ZNRF3: variants seen among roughly 807,000 people sequenced by gnomAD.
ZNRF3 encodes the protein E3 ubiquitin-protein ligase ZNRF3.
A neutral mutation model predicts 72.5 loss-of-function variants in ZNRF3; 23 were observed. The ratio of observed to expected loss-of-function variants is 0.32; its 90% CI spans 0.23 to 0.45. The LOEUF (loss-of-function observed/expected upper bound fraction) is 0.45, where lower values mean the gene tolerates loss of function less well. Ranked by LOEUF, ZNRF3 falls within the 20% of genes least tolerant of loss-of-function variation. ZNRF3 has a pLI of 1.00. For missense variants in ZNRF3, 1,169 were observed against 1,272.1 expected, an observed-to-expected ratio of 0.92 and a Z score of 1.23; for synonymous variants, 610 against 545.3, an observed-to-expected ratio of 1.12 and a Z score of -1.65.
Position 28,933,274 on chromosome 22 carries a change from T to C in ZNRF3, c.300+49208T>C, listed in dbSNP as rs561362605. ...TAAACACTGGGGGGATTGTATATTA[T>C]AGTTGTTTAAAAATGAATCAATTTA... On this transcript the variant is annotated intron_variant, in intron 1 of 8. Transcript: ENST00000544604. 3.9e-5 allele frequency among the ~76,000 whole-genome samples: 6 copies of C among 152,344 alleles called. No homozygotes were observed. In the South Asian group the frequency reaches 1.2e-3, roughly 32 times the overall value.
At chr22:29,036,853 T>G (rs2036875770) in intron 2 of ZNRF3, among the ~76,000 whole-genome samples, 1 of 152,170 alleles carries the variant, frequency 6.6e-6, no homozygotes, top group African/African-American at 2.4e-5. Context: ...TTACAAAGAA[T>G]TTTTAATAAC....
At chr22:29,035,348 G>A (rs2036848292) in intron 2 of ZNRF3, among the ~76,000 whole-genome samples, 1 of 152,186 alleles carries the variant, frequency 6.6e-6, no homozygotes, top group Admixed American at 6.5e-5. Context: ...TATGAATACA[G>A]CACTGTTTAT....
At chr22:29,045,000 A>C (rs1385622037) in intron 5 of ZNRF3, 110 bp downstream of exon 5, 1 of 761,050 alleles carries the variant, frequency 1.3e-6, no homozygotes, top group Non-Finnish European at 2.3e-6. Flanking sequence ...GGAGCCTCAC[A>C]GCTGTGGACT....
chr22:28,927,035 A>G lies in ZNRF3; in HGVS notation c.300+42969A>G, dbSNP rs148294792. On this transcript the variant is annotated intron_variant, in intron 1 of 8. Coordinates refer to ENST00000544604, the MANE Select transcript of ZNRF3 (RefSeq NM_001206998.2). ...CTCAAGAGGCTGAGGTGGGAGAATC[A>G]CTTGAACCTGGGAGGCAGAGGTTGC... 6.1e-3 allele frequency among the ~76,000 whole-genome samples: 919 copies of G among 149,840 alleles called. 12 individuals carry two copies. The highest frequency in any genetic ancestry group is 0.021 in the African/African-American group (873 of 40,614).
intron 2 of ZNRF3, among the ~76,000 whole-genome samples, chr22:29,038,944 T>A (rs2036910265): frequency 6.6e-6 from 1 of 151,912 alleles, no homozygotes; most frequent in South Asian, 2.1e-4. Context: ...AAATGGAATT[T>A]AAGCACCATA....
chr22:28,911,305 T>G (rs2034311944), intron 1 of ZNRF3, among the ~76,000 whole-genome samples: 1 of 152,172 alleles, frequency 6.6e-6, no homozygotes, highest in Non-Finnish European at 1.5e-5. Flanking sequence ...TGGAGACCAG[T>G]GGGTCCCATA....
At chr22:28,995,040 G>T (rs760737471) in intron 2 of ZNRF3, among the ~76,000 whole-genome samples, 31 of 152,188 alleles carry the variant, frequency 2.0e-4, no homozygotes, top group Non-Finnish European at 4.4e-4. Flanking sequence ...TACTTTTGAA[G>T]AACAACTCCC....
intron 2 of ZNRF3, among the ~76,000 whole-genome samples, chr22:29,004,299 T>G (rs891322664): frequency 3.4e-5 from 5 of 148,920 alleles, no homozygotes; most frequent in Non-Finnish European, 7.4e-5. Flanking sequence ...TCATATTGCT[T>G]CTTCTTCCTT....
chr22:28,980,548 A>G (rs1178579240), intron 1 of ZNRF3, among the ~76,000 whole-genome samples: 3 of 152,198 alleles, frequency 2.0e-5, no homozygotes, highest in African/African-American at 7.2e-5. Flanking sequence ...TTTCATAATA[A>G]TGTCAAACTC....
At chr22:29,017,103 T>C (rs1405928529) in intron 2 of ZNRF3, among the ~76,000 whole-genome samples, 3 of 152,186 alleles carry the variant, frequency 2.0e-5, no homozygotes, top group African/African-American at 7.2e-5. Flanking sequence ...CTCTGTCAGT[T>C]TTATGAAAGC....
intron 2 of ZNRF3, chr22:29,026,926 GC>G (rs1352553566): frequency 1.3e-5 from 2 of 152,204 alleles, no homozygotes; most frequent in Non-Finnish European, 2.9e-5. Context: ...TCTTCAACAA[GC>G]GCTTTCCTTA....
In ZNRF3 at chr22:28,992,188, G is replaced by A. The variant is rs566506189; in HGVS notation, c.426+4987G>A. ...CCCCCCAACCCCCCGCCCCGGCCCC[G>A]CACACCACCCCCCACCCCCCGGAAA... On this transcript the variant is annotated intron_variant, in intron 2 of 8. Coordinates refer to ENST00000544604, the MANE Select transcript of ZNRF3 (RefSeq NM_001206998.2). Among the ~76,000 whole-genome samples, 61 of 37,168 alleles carry A rather than the reference G, an allele frequency of 1.6e-3. 2 individuals are homozygous for A. The South Asian group carries it at 0.035, about 21-fold the overall frequency. 24.4% of individuals were successfully genotyped at this position (37,168 alleles called of 152,430 possible). A position where few individuals can be genotyped will look rare whatever the true frequency, so the allele number is the denominator to read the frequency against.
chr22:28,988,606 TA>T (rs2035898173), intron 2 of ZNRF3, among the ~76,000 whole-genome samples: 1 of 152,190 alleles, frequency 6.6e-6, no homozygotes, highest in African/African-American at 2.4e-5. Context: ...CAGGCCCTGA[TA>T]CTTCATCATT....
In ZNRF3 at chr22:28,883,861, C is replaced by T. The variant is rs1323133757; in HGVS notation, c.95C>T (p.Pro32Leu). 2 of 989,994 alleles carry T rather than the reference C, an allele frequency of 2.0e-6. No homozygotes were observed. The highest frequency in any genetic ancestry group is 2.4e-6 in the Non-Finnish European group (2 of 835,534). 61.3% of individuals were successfully genotyped at this position (989,994 alleles called of 1,614,324 possible). A position where few individuals can be genotyped will look rare whatever the true frequency, so the allele number is the denominator to read the frequency against. ...CGCGGCCTCCGGTGCAGCCGCCTGC[C>T]GCCGCCGCCGCCGCTGCCGCTGCTG... is the stretch of plus-strand genomic sequence containing the variant. The part of the protein sequence containing the change: ...RPRGLRCSRL[P>L]PPPPLPLLLG... Residue 32 changes from proline (P) to leucine (L), a missense_variant, in exon 1 of 9, where the codon CCG becomes CTG. Coordinates refer to ENST00000544604, the MANE Select transcript of ZNRF3 (RefSeq NM_001206998.2). The surrounding 1 kb of genome is among the most constrained non-coding windows in gnomAD (Gnocchi z 5.5).
chr22:28,893,405 T>A (rs1376642843), intron 1 of ZNRF3, among the ~76,000 whole-genome samples: 2 of 152,188 alleles, frequency 1.3e-5, no homozygotes, highest in African/African-American at 2.4e-5. Flanking sequence ...AATGTTATTT[T>A]TCTGATTTAT....
At chr22:28,925,865 A>C (rs1041218350) in intron 1 of ZNRF3, among the ~76,000 whole-genome samples, 1 of 152,116 alleles carries the variant, frequency 6.6e-6, no homozygotes, top group Non-Finnish European at 1.5e-5. Context: ...TGGATGTGAC[A>C]GAGTATGTAA....
intron 1 of ZNRF3, among the ~76,000 whole-genome samples, chr22:28,938,290 A>G (rs544345875): frequency 6.6e-6 from 1 of 150,792 alleles, no homozygotes; most frequent in East Asian, 1.9e-4. Context: ...CTGCACCATT[A>G]TTTTTAATGG....
intron 1 of ZNRF3, among the ~76,000 whole-genome samples, chr22:28,888,840 G>T (rs1026277268): frequency 1.3e-5 from 2 of 152,198 alleles, no homozygotes; most frequent in African/African-American, 2.4e-5. Flanking sequence ...AGGTCTGGCC[G>T]GGCGCGGTGG....
At position 29,049,061 on chromosome 22, in the gene ZNRF3, G is replaced by C. The variant is rs997247478; in HGVS notation, c.1016-136G>C. On this transcript the variant is annotated intron_variant, in intron 7 of 8. Coordinates refer to ENST00000544604, the MANE Select transcript of ZNRF3 (RefSeq NM_001206998.2). The surrounding 1 kb of genome is among the most constrained non-coding windows in gnomAD (Gnocchi z 5.2). Reference sequence around the variant, plus strand: ...TCTGCCGCTGCAGCTCAGTTTGGGGGCAGGGTTGTGAGAATGGGTACCTTG... The same window carrying C: ...TCTGCCGCTGCAGCTCAGTTTGGGGCCAGGGTTGTGAGAATGGGTACCTTG... 4 of 988,554 alleles carry C rather than the reference G, an allele frequency of 4.0e-6. No homozygotes were observed. The highest frequency in any genetic ancestry group is 2.4e-5 in the Admixed American group (1 of 40,936). 61.2% of individuals were successfully genotyped at this position (988,554 alleles called of 1,614,324 possible).
Sources: gnomAD v4.1 joint callset for allele counts (sites outside exome capture counted in the v4.1 genomes callset) on GRCh38, gnomAD v4.1.1 for gene constraint, Gnocchi (gnomAD v3.1) non-coding constraint, MANE v1.5 for transcripts, NCBI Gene and HGNC (gene_info 2026-07-23, HGNC 2026-07-21) for gene names.